Variants in PADI1 observed in about 807,000 individuals in gnomAD.
PADI1 encodes protein-arginine deiminase type-1.
Under a neutral mutation model 74.8 loss-of-function variants are expected in PADI1, and 65 were observed. The ratio of observed to expected loss-of-function variants is 0.87; its 90% confidence interval spans 0.71 to 1.07. The LOEUF (loss-of-function observed/expected upper bound fraction) is 1.07. Ranked by LOEUF, PADI1 falls within the 50% of genes least tolerant of loss-of-function variation. PADI1 has a pLI of 0.00. For missense variants in PADI1, 943 were observed against 854.0 expected, an observed-to-expected ratio of 1.10 and a Z score of -1.30; for synonymous variants, 371 against 336.2, an observed-to-expected ratio of 1.10 and a Z score of -1.13.
chr1:17,225,080 C>T (rs1400812502), intron 4 of PADI1, among the ~76,000 whole-genome samples: 1 of 152,092 alleles, frequency 6.6e-6, no homozygotes, highest in African/African-American at 2.4e-5. Flanking sequence ...TGTCTAGGGC[C>T]CTGCTGCAGA....
At chr1:17,205,884 G>A (rs1240432795) in intron 1 of PADI1, among the ~76,000 whole-genome samples, 1 of 152,194 alleles carries the variant, frequency 6.6e-6, no homozygotes, top group Non-Finnish European at 1.5e-5. Context: ...TGGTGATGAC[G>A]CTGATTATGG....
intron 1 of PADI1, among the ~76,000 whole-genome samples, chr1:17,211,593 C>G (rs2071835935): frequency 6.6e-6 from 1 of 152,242 alleles, no homozygotes; most frequent in South Asian, 2.1e-4. Context: ...TCTGAAGTCA[C>G]ACAGCCCACA....
In PADI1 at chr1:17,222,321, G is replaced by T. The variant is rs770723751; in HGVS notation, c.124G>T (p.Val42Phe). The T allele has an allele frequency of 1.2e-6, 2 of 1,613,902 alleles. No individual in the cohort carries two copies. The highest frequency in any genetic ancestry group is 2.7e-5 in the African/African-American group (2 of 74,926). Residue 42 changes from valine to phenylalanine, a missense_variant, in exon 2 of 16, where the codon GTC becomes TTC. Val to Phe is a conservative substitution (Grantham distance 50, BLOSUM62 -1). Coordinates refer to ENST00000375471, the MANE Select transcript of PADI1 (RefSeq NM_013358.3). ...GCCCAAGGGTGCCAACAGCTTCAGG[G>T]TCTCTGGAAGCTCCGGGGTGGAGGT... is the stretch of plus-strand genomic sequence containing the variant. ...DVPKGANSFR[V>F]SGSSGVEVFM...
Position 17,244,769 on chromosome 1 carries a change from A to G in PADI1, c.*526A>G. 1 of 321,298 alleles carries G rather than the reference A, an allele frequency of 3.1e-6. No individual in the cohort carries two copies. Among genetic ancestry groups the G allele is most frequent in the South Asian group, 2.6e-5 (1 of 38,272 alleles). The allele number at this position is 321,298 out of a possible 1,614,324, so 19.9% of individuals were successfully genotyped here. ...AAGGGGACCCAAGGCTGTGACACTTACCTCCACCCCCATCCAGCACCCTTC... is the reference window on the plus strand; with the variant it reads ...AAGGGGACCCAAGGCTGTGACACTTGCCTCCACCCCCATCCAGCACCCTTC... On this transcript the variant is annotated 3_prime_UTR_variant, in exon 16 of 16. Coordinates refer to ENST00000375471, the MANE Select transcript of PADI1 (RefSeq NM_013358.3).
intron 1 of PADI1, 107 bp from the exon 2 acceptor site, chr1:17,222,183 G>C: frequency 1.4e-6 from 1 of 732,710 alleles, no homozygotes. Context: ...ACTGTTGAGG[G>C]GTGCCATTTG....
intron 6 of PADI1, 96 bp from the exon 7 acceptor site, chr1:17,228,529 C>A: frequency 1.5e-6 from 2 of 1,326,170 alleles, no homozygotes; most frequent in East Asian, 2.3e-5. Context: ...GGAACCCAAG[C>A]TGCTCTAACC....
chr1:17,216,507 G>A (rs1281997268), intron 1 of PADI1, among the ~76,000 whole-genome samples: 1 of 152,088 alleles, frequency 6.6e-6, no homozygotes, highest in East Asian at 1.9e-4. Flanking sequence ...GGCAGGAGCA[G>A]GTTTGAAAGG....
At chr1:17,228,000 T>C (rs1191612414) in intron 6 of PADI1, among the ~76,000 whole-genome samples, 2 of 152,186 alleles carry the variant, frequency 1.3e-5, no homozygotes, top group Non-Finnish European at 2.9e-5. Flanking sequence ...TTACTTTTCT[T>C]ATGTTTTAGA....
chr1:17,225,183 C>T (rs780997367), intron 4 of PADI1, among the ~76,000 whole-genome samples: 18 of 152,172 alleles, frequency 1.2e-4, no homozygotes, highest in African/African-American at 4.1e-4. Context: ...GCCAGCTATG[C>T]GGCTTGGGAC....
rs763381019 is a variant in PADI1 at position 17,232,954 on chromosome 1, G to A, written c.1297G>A (p.Gly433Arg). The change falls in exon 11 of 16, where the codon GGG (glycine) becomes AGG (arginine). Residue 433 changes from glycine to arginine, a missense_variant. Transcript: ENST00000375471. ...TEYPLGRILIGSSFPKSGGRQ... is the reference protein window; with the variant it reads ...TEYPLGRILIRSSFPKSGGRQ... ...ATACCCCCTGGGCCGGATCCTCATCGGGAGCAGCTTCCCCAAGTGAGGGGC... is the reference window on the plus strand; with the variant it reads ...ATACCCCCTGGGCCGGATCCTCATCAGGAGCAGCTTCCCCAAGTGAGGGGC... 1.1e-5 allele frequency: 17 copies of A among 1,607,472 alleles called. No individual in the cohort carries two copies. In the East Asian group the frequency reaches 1.8e-4, roughly 17 times the overall value.
At chr1:17,237,604 ACAC>A in intron 12 of PADI1, 146 bp downstream of exon 12, 1 of 639,402 alleles carries the variant, frequency 1.6e-6, no homozygotes, top group Non-Finnish European at 2.5e-6. Flanking sequence ...GGGCACCCTG[ACAC>A]GCTCATCCTC....
intron 4 of PADI1, 70 bp from the exon 5 acceptor site, chr1:17,225,741 G>A (rs2072288763): frequency 3.0e-6 from 3 of 1,015,524 alleles, no homozygotes; most frequent in Non-Finnish European, 4.6e-6. Context: ...GCCCGCCCTG[G>A]CCATGTCTAG....
intron 11 of PADI1, among the ~76,000 whole-genome samples, chr1:17,236,325 T>C (rs1287136630): frequency 6.6e-6 from 1 of 152,178 alleles, no homozygotes; most frequent in Non-Finnish European, 1.5e-5. Context: ...ATGGGGACAG[T>C]AATAGTCCCA....
At chr1:17,208,682 G>A (rs2071752856) in intron 1 of PADI1, among the ~76,000 whole-genome samples, 1 of 152,272 alleles carries the variant, frequency 6.6e-6, no homozygotes, top group African/African-American at 2.4e-5. Flanking sequence ...CACCCCAGTG[G>A]GCTAGCTCAC....
intron 8 of PADI1, among the ~76,000 whole-genome samples, 198 bp from the exon 9 acceptor site, chr1:17,229,887 C>T (rs2072437592): frequency 6.6e-6 from 1 of 152,196 alleles, no homozygotes; most frequent in African/African-American, 2.4e-5. Context: ...CGCGCTTATG[C>T]CTCACCTTGC....
Position 17,222,478 on chromosome 1 carries a change from G to T in PADI1, c.273+8G>T. ...GAATTAAAGGACTTCAAGGTAAGAG[G>T]CCACTTTCTCATAGAAAAGGGTTGG... is the stretch of plus-strand genomic sequence containing the variant. On this transcript the variant is annotated splice_region_variant and intron_variant, in intron 2 of 15. Transcript: ENST00000375471. 6.2e-7 allele frequency: 1 copy of T among 1,606,844 alleles called. No homozygotes were observed. The highest frequency in any genetic ancestry group is 8.5e-7 in the Non-Finnish European group (1 of 1,173,504).
chr1:17,213,148 T>C (rs2100408381), intron 1 of PADI1, among the ~76,000 whole-genome samples: 1 of 78,150 alleles, frequency 1.3e-5, no homozygotes, highest in South Asian at 4.3e-4. Flanking sequence ...ACTTAACTTC[T>C]CCGAGATTTC....
chr1:17,230,178 A>G lies in PADI1; in HGVS notation c.1023A>G (p.Gln341=). 6.2e-7 allele frequency: 1 copy of G among 1,614,186 alleles called. No homozygotes were observed. The highest frequency in any genetic ancestry group is 8.5e-7 in the Non-Finnish European group (1 of 1,180,022). Residue 341 remains glutamine, a synonymous_variant, in exon 9 of 16, where the codon CAA becomes CAG. Coordinates refer to ENST00000375471, the MANE Select transcript of PADI1 (RefSeq NM_013358.3). ...ACTGCAAGCTGACCATCTGCCCTCA[A>G]GTTGAAAATCGAAATGACCGCTGGA... ...KANCKLTICP[Q]VENRNDRWIQ... is the part of the protein sequence containing the mutation.
chr1:17,218,981 T>C lies in PADI1; in HGVS notation c.93-3309T>C, dbSNP rs1301297088. Among the ~76,000 whole-genome samples, 4 of 152,124 alleles carry C rather than the reference T, an allele frequency of 2.6e-5. No homozygotes were observed. In the South Asian group the frequency reaches 6.2e-4, roughly 24 times the overall value. On this transcript the variant is annotated intron_variant, in intron 1 of 15. Transcript: ENST00000375471. ...GGAAGAGTGGGGAGGCTTCTGGAGA[T>C]AGGAGAAGATAGGACATAGTCCTCT... is the stretch of plus-strand genomic sequence containing the variant.
Sources: gnomAD v4.1 joint callset for allele counts (sites outside exome capture counted in the v4.1 genomes callset) on GRCh38, gnomAD v4.1.1 for gene constraint, MANE v1.5 for transcripts, NCBI Gene and HGNC (gene_info 2026-07-23, HGNC 2026-07-21) for gene names.